Variants in DSE observed in about 807,000 individuals in gnomAD.
DSE encodes the protein dermatan sulfate epimerase, also known as dermatan-sulfate epimerase.
A neutral mutation model predicts 84.4 loss-of-function variants in DSE; 36 were observed. That is an observed-to-expected ratio of 0.43 (90% confidence interval 0.33 to 0.56). The LOEUF (loss-of-function observed/expected upper bound fraction) is 0.56. Ranked by LOEUF, DSE falls within the 20% of genes least tolerant of loss-of-function variation. The pLI, the probability that DSE is intolerant of heterozygous loss-of-function variation, is 0.06. For synonymous variants in DSE, 410 were observed against 430.1 expected (o/e 0.95, Z 0.58); for missense variants, 862 against 1,169.6 (o/e 0.74, Z 3.84).
At chr6:116,307,225 A>G (rs1775401736) in intron 2 of DSE, among the ~76,000 whole-genome samples, 1 of 152,216 alleles carries the variant, frequency 6.6e-6, no homozygotes, top group Admixed American at 6.5e-5. Flanking sequence ...TGAATATGGC[A>G]TAATCTGAAC....
At chr6:116,339,532 T>C (rs1777467570) in intron 2 of DSE, among the ~76,000 whole-genome samples, 1 of 152,218 alleles carries the variant, frequency 6.6e-6, no homozygotes, top group Non-Finnish European at 1.5e-5. Context: ...TTTAGGAATA[T>C]TAATCTGACT....
chr6:116,414,105 C>G (rs1401533827), intron 2 of DSE, among the ~76,000 whole-genome samples: 3 of 152,118 alleles, frequency 2.0e-5, no homozygotes, highest in Non-Finnish European at 4.4e-5. Context: ...GTTGCTAGGG[C>G]TGCTGTAACA....
intron 2 of DSE, among the ~76,000 whole-genome samples, chr6:116,348,735 T>A (rs984052544): frequency 6.6e-6 from 1 of 152,150 alleles, no homozygotes; most frequent in African/African-American, 2.4e-5. Context: ...CAAATGTCCA[T>A]CAATGATAGA....
At chr6:116,278,636 C>A (rs1773282099) in intron 2 of DSE, 1 of 1,614,030 alleles carries the variant, frequency 6.2e-7, no homozygotes, top group African/African-American at 1.3e-5. Context: ...GGCCACAGAT[C>A]CTCTTTAATA....
intron 2 of DSE, 110 bp from the exon 3 acceptor site, chr6:116,426,463 TG>T (rs1783459231): frequency 7.0e-7 from 1 of 1,420,052 alleles, no homozygotes. Context: ...ATTAAGCCCT[TG>T]GATTATATCT....
intron 2 of DSE, among the ~76,000 whole-genome samples, chr6:116,302,379 A>G (rs1027289900): frequency 1.3e-5 from 2 of 152,298 alleles, no homozygotes; most frequent in African/African-American, 4.8e-5. Flanking sequence ...CATTTCTCTA[A>G]TGACCAGTGA....
At chr6:116,407,735 G>C (rs1782025173) in intron 2 of DSE, among the ~76,000 whole-genome samples, 1 of 152,198 alleles carries the variant, frequency 6.6e-6, no homozygotes. Context: ...TTGAATGTAA[G>C]TGAGCTCTTC....
chr6:116,319,490 G>A (rs1238078378), intron 2 of DSE, among the ~76,000 whole-genome samples: 1 of 152,162 alleles, frequency 6.6e-6, no homozygotes, highest in African/African-American at 2.4e-5. Flanking sequence ...ACATTCCATT[G>A]ACCAAAGCAA....
chr6:116,275,140 C>G (rs1773066923), intron 2 of DSE, among the ~76,000 whole-genome samples: 1 of 152,216 alleles, frequency 6.6e-6, no homozygotes, highest in Non-Finnish European at 1.5e-5. Flanking sequence ...TCAATTCAGA[C>G]TAGCCACATT....
chr6:116,361,119 G>A (rs2114879065), intron 2 of DSE, among the ~76,000 whole-genome samples: 1 of 152,108 alleles, frequency 6.6e-6, no homozygotes, highest in African/African-American at 2.4e-5. Context: ...GGCTGGAGTG[G>A]CGTGATCTCG....
intron 4 of DSE, 101 bp downstream of exon 4, chr6:116,431,294 T>C: frequency 7.0e-7 from 1 of 1,432,372 alleles, no homozygotes; most frequent in East Asian, 2.4e-5. Context: ...TCCTTAGAGT[T>C]TGTCATATTG....
chr6:116,348,262 C>T (rs1372322214), intron 2 of DSE, among the ~76,000 whole-genome samples: 2 of 151,930 alleles, frequency 1.3e-5, no homozygotes, highest in Non-Finnish European at 2.9e-5. Context: ...CCCGTGTCTA[C>T]TAAAAATTAA....
chr6:116,348,928 G>A (rs1208513535), intron 2 of DSE, among the ~76,000 whole-genome samples: 2 of 147,390 alleles, frequency 1.4e-5, no homozygotes, highest in African/African-American at 5.0e-5. Flanking sequence ...TGAACAATGA[G>A]AACACTTGGA....
At chr6:116,354,896 A>G (rs1320356527) in intron 2 of DSE, among the ~76,000 whole-genome samples, 3 of 152,170 alleles carry the variant, frequency 2.0e-5, no homozygotes, top group African/African-American at 4.8e-5. Flanking sequence ...TAAAAAGCCA[A>G]TCTGTAATTG....
rs1300323605 is a variant in DSE, at chr6:116,441,676, A to T, written c.*4331A>T. On this transcript the variant is annotated 3_prime_UTR_variant, in exon 6 of 6. Coordinates refer to ENST00000644252, the MANE Select transcript of DSE (RefSeq NM_013352.4). Reference sequence around the variant, plus strand: ...AGGCTTTATTGATGTCTCCACTTCCATTCTCTGTGTCATTTTGAAAATCTA... The same window carrying T: ...AGGCTTTATTGATGTCTCCACTTCCTTTCTCTGTGTCATTTTGAAAATCTA... The T allele has an allele frequency of 6.6e-6, 1 of 152,196 alleles. No homozygotes were observed. The highest frequency in any genetic ancestry group is 2.4e-5 in the African/African-American group (1 of 41,446). The allele number at this position is 152,196 out of a possible 1,614,324, so 9.4% of individuals were successfully genotyped here.
intron 2 of DSE, among the ~76,000 whole-genome samples, chr6:116,405,566 A>G (rs145204139): frequency 4.1e-4 from 62 of 152,188 alleles, no homozygotes; most frequent in African/African-American, 1.4e-3. Context: ...TCTGTGACCT[A>G]AGGGAAGCTA....
intron 2 of DSE, among the ~76,000 whole-genome samples, chr6:116,289,177 A>C (rs1005065426): frequency 6.6e-6 from 1 of 152,100 alleles, no homozygotes; most frequent in African/African-American, 2.4e-5. Flanking sequence ...TTAAATAACC[A>C]ATAAAATGTG....
chr6:116,433,766 A>T (rs1783987082), intron 5 of DSE, among the ~76,000 whole-genome samples: 1 of 152,166 alleles, frequency 6.6e-6, no homozygotes, highest in Non-Finnish European at 1.5e-5. Flanking sequence ...CAACTTTTAG[A>T]TACAGGGGTA....
In DSE at chr6:116,299,502, TTTTATATATATATATATATATATA is replaced by T. The variant is rs1387516264; in HGVS notation, c.-54+40537_-54+40560del. On this transcript the variant is annotated intron_variant, in intron 2 of 3. Transcript: ENST00000430252. ...CATCCTGAAAGGCTTCTTGAATTAT[TTTTATATATATATATATATATATA>T]TATATATATATATATATATATATAT... Among the ~76,000 whole-genome samples, 30 of 47,534 alleles carry T rather than the reference TTTTATATATATATATATATATATA, an allele frequency of 6.3e-4. 2 individuals carry two copies. The highest frequency in any genetic ancestry group is 5.2e-3 in the South Asian group (5 of 970). The allele number at this position is 47,534 out of a possible 152,430, so 31.2% of individuals were successfully genotyped here.
Sources: gnomAD v4.1 joint callset for allele counts (sites outside exome capture counted in the v4.1 genomes callset) on GRCh38, gnomAD v4.1.1 for gene constraint, MANE v1.5 for transcripts, NCBI Gene and HGNC (gene_info 2026-07-23, HGNC 2026-07-21) for gene names.